Variants in NKAIN2 observed in about 807,000 individuals in gnomAD.
NKAIN2 encodes sodium/potassium-transporting ATPase subunit beta-1-interacting protein 2.
NKAIN2 carries 14 observed loss-of-function variants against 32.6 expected under a neutral mutation model. The ratio of observed to expected loss-of-function variants is 0.43; its 90% CI spans 0.28 to 0.67. The LOEUF is 0.67. NKAIN2 is among the 30% of genes least tolerant of loss of function. The probability of loss-of-function intolerance (pLI) is 0.17; values close to 1 mark genes in which losing one functional copy is unlikely to be tolerated. For missense variants in NKAIN2, 198 were observed against 258.3 expected (o/e 0.77, Z 1.60); for synonymous variants, 80 against 87.2 (o/e 0.92, Z 0.46).
chr6:124,264,523 T>C (rs1315346619), intron 1 of NKAIN2, among the ~76,000 whole-genome samples: 1 of 152,224 alleles, frequency 6.6e-6, no homozygotes, highest in Non-Finnish European at 1.5e-5. Context: ...AAAAAATCTA[T>C]AGTTGGTTAT....
chr6:124,310,407 T>C (rs973562505), intron 2 of NKAIN2, among the ~76,000 whole-genome samples: 7 of 152,186 alleles, frequency 4.6e-5, no homozygotes, highest in African/African-American at 1.7e-4. Context: ...TCTGAAATCA[T>C]AGTTAGAAAG....
At chr6:124,429,289 T>C (rs1016896975) in intron 3 of NKAIN2, among the ~76,000 whole-genome samples, 3 of 152,022 alleles carry the variant, frequency 2.0e-5, no homozygotes, top group African/African-American at 7.2e-5. Flanking sequence ...CTCATATGAT[T>C]CACCTGCCTC....
chr6:124,066,695 T>C (rs1461650717), intron 1 of NKAIN2, among the ~76,000 whole-genome samples: 1 of 152,186 alleles, frequency 6.6e-6, no homozygotes, highest in African/African-American at 2.4e-5. Flanking sequence ...TTCAGCCATA[T>C]GTGTTTTTAT....
intron 1 of NKAIN2, among the ~76,000 whole-genome samples, chr6:123,863,006 C>G (rs565390756): frequency 2.0e-5 from 3 of 152,246 alleles, no homozygotes; most frequent in East Asian, 1.9e-4. Context: ...TCTCAAAGAG[C>G]TTTATTTTCC....
intron 3 of NKAIN2, among the ~76,000 whole-genome samples, chr6:124,595,198 T>G (rs1782039656): frequency 6.6e-6 from 1 of 152,208 alleles, no homozygotes; most frequent in African/African-American, 2.4e-5. Flanking sequence ...GTAAGAATCT[T>G]CTCACTGCAA....
intron 1 of NKAIN2, among the ~76,000 whole-genome samples, chr6:123,834,549 G>A (rs558845834): frequency 6.6e-6 from 1 of 152,094 alleles, no homozygotes; most frequent in Non-Finnish European, 1.5e-5. Flanking sequence ...TTCCCAATCT[G>A]TGTATTTTAA....
At chr6:124,631,714 C>T (rs117508395) in intron 3 of NKAIN2, among the ~76,000 whole-genome samples, 4,981 of 152,250 alleles carry the variant, frequency 0.033, 124 homozygotes, top group Middle Eastern at 0.061. Context: ...ATAAAGGAGT[C>T]TGATCCCTCA....
chr6:124,666,820 T>C (rs1218808602), intron 4 of NKAIN2, among the ~76,000 whole-genome samples: 1 of 152,144 alleles, frequency 6.6e-6, no homozygotes, highest in East Asian at 1.9e-4. Flanking sequence ...ATTCACAGTC[T>C]GGGAGCAAGA....
chr6:124,434,373 A>G (rs1371631489), intron 3 of NKAIN2, among the ~76,000 whole-genome samples: 1 of 152,140 alleles, frequency 6.6e-6, no homozygotes, highest in African/African-American at 2.4e-5. Context: ...AGGGAAATGT[A>G]TTTCTAAAAT....
At chr6:124,457,639 T>C (rs1300903748) in intron 3 of NKAIN2, among the ~76,000 whole-genome samples, 4 of 151,998 alleles carry the variant, frequency 2.6e-5, no homozygotes, top group Non-Finnish European at 5.9e-5. Flanking sequence ...GCCATGCTGA[T>C]AAACAGAACT....
chr6:123,938,488 AATATATATTTATATATAATATATT>A (rs1776652472), intron 1 of NKAIN2, among the ~76,000 whole-genome samples: 2 of 134,152 alleles, frequency 1.5e-5, no homozygotes, highest in African/African-American at 2.7e-5. Flanking sequence ...CATAATATAT[AATATATATTTATATATAATATATT>A]ATATATATTT....
At chr6:124,226,580 G>C (rs1483180797) in intron 1 of NKAIN2, among the ~76,000 whole-genome samples, 1 of 151,834 alleles carries the variant, frequency 6.6e-6, no homozygotes. Context: ...GTTGTTTTGA[G>C]ACTCTGATTA....
At chr6:124,769,460 A>G (rs954361367) in intron 4 of NKAIN2, among the ~76,000 whole-genome samples, 1 of 152,184 alleles carries the variant, frequency 6.6e-6, no homozygotes, top group Non-Finnish European at 1.5e-5. Flanking sequence ...TGAAGAATTC[A>G]GAGAGGGAGG....
At chr6:123,956,754 TA>T (rs1318884293) in intron 1 of NKAIN2, among the ~76,000 whole-genome samples, 1 of 152,152 alleles carries the variant, frequency 6.6e-6, no homozygotes, top group Non-Finnish European at 1.5e-5. Context: ...CCATCCAAGT[TA>T]CAAGTTGCGT....
intron 3 of NKAIN2, among the ~76,000 whole-genome samples, chr6:124,365,095 G>C (rs1237904848): frequency 6.6e-6 from 1 of 151,782 alleles, no homozygotes; most frequent in African/African-American, 2.4e-5. Flanking sequence ...TAATTGATTA[G>C]CCTAAGCAAT....
intron 1 of NKAIN2, among the ~76,000 whole-genome samples, chr6:123,837,432 T>C (rs1296343196): frequency 6.6e-6 from 1 of 152,132 alleles, no homozygotes; most frequent in East Asian, 1.9e-4. Flanking sequence ...CTCTTGTTTC[T>C]CTTCCACCCA....
At position 123,804,065 on chromosome 6, in the gene NKAIN2, T is replaced by TGGC. The variant is rs527327045; in HGVS notation, c.-135_-133dup. 1.0e-4 allele frequency: 87 copies of TGGC among 829,632 alleles called. No individual in the cohort carries two copies. The highest frequency in any genetic ancestry group is 2.5e-4 in the African/African-American group (15 of 60,042). The allele number at this position is 829,632 out of a possible 1,614,324, so 51.4% of individuals were successfully genotyped here. A position where few individuals can be genotyped will look rare whatever the true frequency, so the allele number is the denominator to read the frequency against. ...TAATGCCTGTCACTTCCCAGGACGC[T>TGGC]GGCAGCAGCAGCAGCCCGGAGCCCC... On this transcript the variant is annotated 5_prime_UTR_variant, in exon 1 of 7. Coordinates refer to ENST00000368417, the MANE Select transcript of NKAIN2 (RefSeq NM_001040214.3).
intron 1 of NKAIN2, among the ~76,000 whole-genome samples, chr6:124,169,909 T>A (rs1181779168): frequency 6.6e-6 from 1 of 152,120 alleles, no homozygotes; most frequent in African/African-American, 2.4e-5. Context: ...AGCCTTAAAA[T>A]GGTCAGCTTG....
intron 4 of NKAIN2, among the ~76,000 whole-genome samples, chr6:124,759,383 TTAAG>T (rs1349032470): frequency 6.7e-6 from 1 of 150,126 alleles, no homozygotes; most frequent in Non-Finnish European, 1.5e-5. Context: ...GAATATTATT[TTAAG>T]TTAGTAAATA....
Sources: gnomAD v4.1 joint callset for allele counts (sites outside exome capture counted in the v4.1 genomes callset) on GRCh38, gnomAD v4.1.1 for gene constraint, MANE v1.5 for transcripts, NCBI Gene and HGNC (gene_info 2026-07-23, HGNC 2026-07-21) for gene names.